SORCS1: variants seen among roughly 807,000 people sequenced by gnomAD.
The protein encoded by SORCS1 is VPS10 domain-containing receptor SorCS1.
Under a neutral mutation model 146.1 loss-of-function variants are expected in SORCS1, and 60 were observed. The observed-to-expected ratio is 0.41, with a 90% CI of 0.33 to 0.51. The LOEUF (loss-of-function observed/expected upper bound fraction) is 0.51. Ranked by LOEUF, SORCS1 falls within the 20% of genes least tolerant of loss-of-function variation. The pLI is 0.21. For missense variants in SORCS1, 1,352 were observed against 1,487.6 expected (o/e 0.91, Z 1.50); for synonymous variants, 637 against 584.0 (o/e 1.09, Z -1.31).
intron 2 of SORCS1, among the ~76,000 whole-genome samples, chr10:106,875,847 A>G (rs1003318229): frequency 6.6e-6 from 1 of 152,166 alleles, no homozygotes; most frequent in African/African-American, 2.4e-5. Context: ...GCTGAATAAA[A>G]TACAGAGTGA....
chr10:106,694,280 C>T (rs821960), intron 9 of SORCS1, among the ~76,000 whole-genome samples: 122,032 of 152,082 alleles, frequency 0.8, 51,443 homozygotes, highest in Non-Finnish European at 0.94. Flanking sequence ...TATTATTTTT[C>T]CTTTTTTGAG....
rs1565125364 is a variant in SORCS1 at position 107,163,970 on chromosome 10, C to G, written c.557G>C (p.Ser186Thr). The G allele has an allele frequency of 6.2e-7, 1 of 1,611,530 alleles. No homozygotes were observed. The highest frequency in any genetic ancestry group is 8.5e-7 in the Non-Finnish European group (1 of 1,178,236). The stretch of plus-strand genomic sequence containing the variant: ...TACCCTCAGTCCCATTCTACTCACG[C>G]TGCTGTTGTGGCCAGACCAGTGGAC... The part of the protein sequence containing the change: ...AMVHWSGHNS[S>T]VILILTKLYD... The change falls in exon 1 of 26, where the codon AGC (serine) becomes ACC (threonine). Residue 186 changes from serine (S) to threonine (T), a missense_variant and splice_region_variant. By Grantham distance (58) the Ser-to-Thr change is moderately conservative. This residue lies in a region of SORCS1 where 490 missense variants were observed against 489.1 expected (regional missense o/e 1.00). Coordinates refer to ENST00000263054, the MANE Select transcript of SORCS1 (RefSeq NM_052918.5).
In SORCS1 at chr10:107,164,644, G is replaced by T; in HGVS notation, c.-118C>A. 1.2e-6 allele frequency: 1 copy of T among 823,784 alleles called. No homozygotes were observed. Among genetic ancestry groups the T allele is most frequent in the Non-Finnish European group, 1.6e-6 (1 of 612,754 alleles). The allele number at this position is 823,784 out of a possible 1,614,324, so 51.0% of individuals were successfully genotyped here. ...ACCCCAACTCCATCCAAGTTGCGCC[G>T]CGGTGGGGGCGGGCGGAGGCGGCGC... On this transcript the variant is annotated 5_prime_UTR_variant, in exon 1 of 26. Coordinates refer to ENST00000263054, the MANE Select transcript of SORCS1 (RefSeq NM_052918.5). The surrounding 1 kb of genome is among the most constrained non-coding windows in gnomAD (Gnocchi z 6.8).
At chr10:106,868,218 A>G (rs1950288911) in intron 2 of SORCS1, among the ~76,000 whole-genome samples, 1 of 152,208 alleles carries the variant, frequency 6.6e-6, no homozygotes, top group Non-Finnish European at 1.5e-5. Context: ...TTAGAGATCT[A>G]CAAAGAAACA....
chr10:107,094,499 A>C (rs2134333559), intron 1 of SORCS1, among the ~76,000 whole-genome samples: 2 of 152,360 alleles, frequency 1.3e-5, no homozygotes, highest in Admixed American at 1.3e-4. Flanking sequence ...AATTGCAAAA[A>C]AGGGGGAATG....
chr10:106,895,851 T>A lies in SORCS1; in HGVS notation c.626+60662A>T, dbSNP rs369292159. Among the ~76,000 whole-genome samples, 7 of 152,098 alleles carry A rather than the reference T, an allele frequency of 4.6e-5. No homozygotes were observed. In the East Asian group the frequency reaches 1.3e-3, roughly 29 times the overall value. Reference sequence around the variant, plus strand: ...CGTTTATAGCAACAATAGCCAACAATAGCCAACAATAGCAACTCAACTACT... The same window carrying A: ...CGTTTATAGCAACAATAGCCAACAAAAGCCAACAATAGCAACTCAACTACT... On this transcript the variant is annotated intron_variant, in intron 2 of 25. Transcript: ENST00000263054.
At chr10:106,814,136 T>C (rs962994599) in intron 3 of SORCS1, among the ~76,000 whole-genome samples, 10 of 152,230 alleles carry the variant, frequency 6.6e-5, no homozygotes, top group Non-Finnish European at 1.3e-4. Context: ...CGATGTAGAA[T>C]CCTTTTCAGA....
At chr10:107,022,933 T>C (rs1958210182) in intron 1 of SORCS1, among the ~76,000 whole-genome samples, 1 of 152,146 alleles carries the variant, frequency 6.6e-6, no homozygotes, top group African/African-American at 2.4e-5. Flanking sequence ...TTGAGGCACT[T>C]TTCAATAGAG....
intron 1 of SORCS1, among the ~76,000 whole-genome samples, chr10:107,163,190 G>A (rs1008902920): frequency 6.6e-6 from 1 of 152,216 alleles, no homozygotes; most frequent in African/African-American, 2.4e-5. Flanking sequence ...TTCATAAAGG[G>A]AATGTTAAGT....
At chr10:106,656,555 A>G (rs1850308342) in intron 17 of SORCS1, among the ~76,000 whole-genome samples, 1 of 152,208 alleles carries the variant, frequency 6.6e-6, no homozygotes, top group Non-Finnish European at 1.5e-5. Flanking sequence ...AAAAAAGAAA[A>G]AAGAAAAGAA....
At chr10:106,583,205 G>A (rs1314356556) in intron 24 of SORCS1, among the ~76,000 whole-genome samples, 3 of 152,054 alleles carry the variant, frequency 2.0e-5, no homozygotes, top group Non-Finnish European at 4.4e-5. Flanking sequence ...TCATATTATT[G>A]CTATCATATT....
chr10:107,147,025 C>T (rs1242368695), intron 1 of SORCS1, among the ~76,000 whole-genome samples: 1 of 152,072 alleles, frequency 6.6e-6, no homozygotes, highest in African/African-American at 2.4e-5. Flanking sequence ...AACTATCACC[C>T]AACCCCTAAG....
chr10:106,967,995 G>A (rs1955582202), intron 1 of SORCS1, among the ~76,000 whole-genome samples: 1 of 150,828 alleles, frequency 6.6e-6, no homozygotes, highest in Non-Finnish European at 1.5e-5. Context: ...ATGAGGTCAG[G>A]AAATCGAGAC....
intron 3 of SORCS1, among the ~76,000 whole-genome samples, chr10:106,789,260 T>C (rs766602471): frequency 6.6e-6 from 1 of 152,236 alleles, no homozygotes; most frequent in Non-Finnish European, 1.5e-5. Context: ...TTCTCTGACA[T>C]GCCCTGGAGA....
At chr10:106,829,404 C>T (rs1333510960) in intron 3 of SORCS1, among the ~76,000 whole-genome samples, 170 bp downstream of exon 3, 1 of 152,168 alleles carries the variant, frequency 6.6e-6, no homozygotes, top group Admixed American at 6.5e-5. Flanking sequence ...AGCTGCTGAT[C>T]TGAAAATTAT....
At chr10:106,833,940 C>G (rs377267366) in intron 2 of SORCS1, among the ~76,000 whole-genome samples, 2 of 152,168 alleles carry the variant, frequency 1.3e-5, no homozygotes, top group Non-Finnish European at 2.9e-5. Flanking sequence ...ACTACAGGCG[C>G]CCGCCACCAT....
intron 16 of SORCS1, among the ~76,000 whole-genome samples, chr10:106,669,514 G>C (rs1418271745): frequency 1.3e-5 from 2 of 152,204 alleles, no homozygotes; most frequent in Non-Finnish European, 2.9e-5. Context: ...AGAAGCAGCA[G>C]TGGCTTCAGA....
intron 5 of SORCS1, among the ~76,000 whole-genome samples, chr10:106,752,877 C>T (rs983805283): frequency 3.3e-5 from 5 of 152,000 alleles, no homozygotes; most frequent in African/African-American, 1.2e-4. Context: ...ATAAATATGA[C>T]CCAAGAGTAT....
intron 6 of SORCS1, among the ~76,000 whole-genome samples, chr10:106,713,366 G>C (rs1030863063): frequency 6.6e-6 from 1 of 152,198 alleles, no homozygotes; most frequent in Non-Finnish European, 1.5e-5. Flanking sequence ...GAATTTTTAA[G>C]ACTGACACCT....
Sources: gnomAD v4.1 joint callset for allele counts (sites outside exome capture counted in the v4.1 genomes callset) on GRCh38, gnomAD v4.1.1 for gene constraint, gnomAD v4.1.1 regional missense constraint, Gnocchi (gnomAD v3.1) non-coding constraint, MANE v1.5 for transcripts, NCBI Gene and HGNC (gene_info 2026-07-23, HGNC 2026-07-21) for gene names.